Variants in PHACTR2 observed in about 807,000 individuals in gnomAD.
PHACTR2 encodes phosphatase and actin regulator 2.
Under a neutral mutation model 76.0 loss-of-function variants are expected in PHACTR2, and 30 were observed. The ratio of observed to expected loss-of-function variants is 0.39; its 90% confidence interval spans 0.30 to 0.54. The LOEUF (loss-of-function observed/expected upper bound fraction) is 0.54. Ranked by LOEUF, PHACTR2 falls within the 20% of genes least tolerant of loss-of-function variation. The pLI is 0.61. For synonymous variants in PHACTR2, 292 were observed against 292.5 expected (o/e 1.00, Z 0.02); for missense variants, 696 against 781.1 (o/e 0.89, Z 1.30).
At chr6:143,704,715 TG>T (rs1251802199) in intron 1 of PHACTR2, among the ~76,000 whole-genome samples, 1 of 152,222 alleles carries the variant, frequency 6.6e-6, no homozygotes, top group East Asian at 1.9e-4. Context: ...GTCTTTTTTT[TG>T]TTCCAGGATG....
In PHACTR2 at chr6:143,591,733, T is replaced by C. The variant is rs1031373390; in HGVS notation, c.217+54526T>C. Among the ~76,000 whole-genome samples, 3 of 152,230 alleles carry C rather than the reference T, an allele frequency of 2.0e-5. No individual in the cohort carries two copies. Among genetic ancestry groups the C allele is most frequent in the African/African-American group, 7.2e-5 (3 of 41,460 alleles). On this transcript the variant is annotated intron_variant, in intron 1 of 11. Coordinates refer to the PHACTR2 transcript ENST00000367584. The surrounding 1 kb of genome is among the most constrained non-coding windows in gnomAD (Gnocchi z 6.4). Reference sequence around the variant, plus strand: ...GACATGTGGGCATAAGGGGCCTCCCTGCTCTGGGCGCCACCTTGGCCTCCT... The same window carrying C: ...GACATGTGGGCATAAGGGGCCTCCCCGCTCTGGGCGCCACCTTGGCCTCCT...
chr6:143,594,247 G>T (rs775973624), intron 1 of PHACTR2, among the ~76,000 whole-genome samples: 1 of 152,218 alleles, frequency 6.6e-6, no homozygotes, highest in Admixed American at 6.5e-5. Context: ...ATCCCCAAAA[G>T]ATCTCATTAT....
At chr6:143,746,013 T>C (rs1489471334) in intron 2 of PHACTR2, among the ~76,000 whole-genome samples, 1 of 152,194 alleles carries the variant, frequency 6.6e-6, no homozygotes, top group Non-Finnish European at 1.5e-5. Flanking sequence ...AAACTAAAAC[T>C]AAAGAATCCT....
At chr6:143,790,243 A>T (rs953796359) in intron 11 of PHACTR2, among the ~76,000 whole-genome samples, 1 of 152,138 alleles carries the variant, frequency 6.6e-6, no homozygotes, top group Non-Finnish European at 1.5e-5. Flanking sequence ...GGAAAATGAG[A>T]TACAGTATCA....
intron 2 of PHACTR2, among the ~76,000 whole-genome samples, chr6:143,723,929 T>G (rs897381688): frequency 1.3e-5 from 2 of 152,162 alleles, no homozygotes; most frequent in Non-Finnish European, 2.9e-5. Context: ...GTGGCTTTCT[T>G]AACTGTATAA....
chr6:143,604,437 T>C (rs758661249), upstream of PHACTR2, among the ~76,000 whole-genome samples: 47 of 152,206 alleles, frequency 3.1e-4, no homozygotes, highest in Admixed American at 1.3e-4. Flanking sequence ...GGAGTGGTGT[T>C]TCTGCTCTTT....
rs985818686 is a variant in PHACTR2, at chr6:143,820,702, G to C, written c.1923-2972G>C. 6.6e-6 allele frequency among the ~76,000 whole-genome samples: 1 copy of C among 152,184 alleles called. No individual in the cohort carries two copies. Among genetic ancestry groups the C allele is most frequent in the Admixed American group, 6.5e-5 (1 of 15,286 alleles). ...GCTGCCAGTGGATCTACCATTCTGG[G>C]GTCTGGAGGACAGTGACTTCCTTTT... On this transcript the variant is annotated intron_variant, in intron 12 of 12. Coordinates refer to ENST00000440869, the MANE Select transcript of PHACTR2 (RefSeq NM_001100164.2). This position sits in a 1 kb window ranked among gnomAD's most constrained non-coding sequence, Gnocchi z 4.2.
chr6:143,744,846 A>G (rs1299636766), intron 2 of PHACTR2, among the ~76,000 whole-genome samples: 1 of 152,218 alleles, frequency 6.6e-6, no homozygotes, highest in Non-Finnish European at 1.5e-5. Context: ...CACTTCCCAG[A>G]GAGAATTAGA....
chr6:143,719,313 A>G (rs1193918449), intron 2 of PHACTR2, among the ~76,000 whole-genome samples: 1 of 148,790 alleles, frequency 6.7e-6, no homozygotes, highest in African/African-American at 2.5e-5. Flanking sequence ...GCACATCTAG[A>G]TCCACAGAGG....
intron 1 of PHACTR2, among the ~76,000 whole-genome samples, chr6:143,693,245 T>G (rs1056037493): frequency 1.3e-5 from 2 of 152,164 alleles, no homozygotes; most frequent in South Asian, 4.1e-4. Flanking sequence ...TTGTTTTGTT[T>G]TTATTTTTTT....
rs906003977 is a variant in PHACTR2, at chr6:143,599,001, A to T, written c.217+61794A>T. On this transcript the variant is annotated intron_variant, in intron 1 of 11. Coordinates refer to the PHACTR2 transcript ENST00000367584. This position sits in a 1 kb window ranked among gnomAD's most constrained non-coding sequence, Gnocchi z 4.6. Reference sequence around the variant, plus strand: ...TCTCACCCCTGACTCTTTTAGAACAATGATGGCAGTGGGAGGAGTCAGAGA... The same window carrying T: ...TCTCACCCCTGACTCTTTTAGAACATTGATGGCAGTGGGAGGAGTCAGAGA... 6.6e-6 allele frequency among the ~76,000 whole-genome samples: 1 copy of T among 152,212 alleles called. No homozygotes were observed. The highest frequency in any genetic ancestry group is 2.4e-5 in the African/African-American group (1 of 41,454).
Position 143,810,495 on chromosome 6 carries a change from C to G in PHACTR2, c.1922+3362C>G, listed in dbSNP as rs868178400. On this transcript the variant is annotated intron_variant, in intron 12 of 12. Coordinates refer to ENST00000440869, the MANE Select transcript of PHACTR2 (RefSeq NM_001100164.2). ...ATATTCTAAAGGATGAACAATAATA[C>G]CCCATTTCATTGATTTCTATTAGAT... 13 of 437,456 alleles carry G rather than the reference C, an allele frequency of 3.0e-5. No individual in the cohort carries two copies. The Middle Eastern group carries it at 3.4e-3, about 114-fold the overall frequency. The allele number at this position is 437,456 out of a possible 1,614,324, so 27.1% of individuals were successfully genotyped here.
At chr6:143,634,864 A>G (rs1267594966) in intron 1 of PHACTR2, among the ~76,000 whole-genome samples, 1 of 152,248 alleles carries the variant, frequency 6.6e-6, no homozygotes, top group Non-Finnish European at 1.5e-5. Flanking sequence ...ATAGCCACAA[A>G]TTAGTGGGGC....
At chr6:143,594,518 T>C (rs564062091) in intron 1 of PHACTR2, among the ~76,000 whole-genome samples, 16 of 152,356 alleles carry the variant, frequency 1.1e-4, no homozygotes, top group African/African-American at 3.6e-4. Flanking sequence ...TTATTTGTGT[T>C]GAGAACCAAT....
rs1775693458 is a variant in PHACTR2, at chr6:143,591,626, C to A, written c.217+54419C>A. 1.3e-5 allele frequency among the ~76,000 whole-genome samples: 2 copies of A among 152,202 alleles called. No individual in the cohort carries two copies. The highest frequency in any genetic ancestry group is 4.8e-5 in the African/African-American group (2 of 41,444). On this transcript the variant is annotated intron_variant, in intron 1 of 11. Coordinates refer to the PHACTR2 transcript ENST00000367584. The surrounding 1 kb of genome is among the most constrained non-coding windows in gnomAD (Gnocchi z 6.4). ...AACAGTGACCTCCATGAACCTCTTG[C>A]CTAGGGCTGTGAAGGCCAAATGGAA... is the stretch of plus-strand genomic sequence containing the variant.
chr6:143,652,270 G>A lies in PHACTR2; in HGVS notation c.13+43948G>A, dbSNP rs1776775655. Among the ~76,000 whole-genome samples, 1 of 152,164 alleles carries A rather than the reference G, an allele frequency of 6.6e-6. No individual in the cohort carries two copies. Among genetic ancestry groups the A allele is most frequent in the Non-Finnish European group, 1.5e-5 (1 of 68,026 alleles). On this transcript the variant is annotated intron_variant, in intron 1 of 11. Coordinates refer to the PHACTR2 transcript ENST00000305766. The surrounding 1 kb of genome is among the most constrained non-coding windows in gnomAD (Gnocchi z 4.5). ...AAATACATTTATTAAGCACAGATGAGTGTTGTTTTGGTTTTTGTTTAGTGA... is the reference window on the plus strand; with the variant it reads ...AAATACATTTATTAAGCACAGATGAATGTTGTTTTGGTTTTTGTTTAGTGA...
chr6:143,692,324 A>G (rs1777663222), intron 1 of PHACTR2, among the ~76,000 whole-genome samples: 1 of 152,170 alleles, frequency 6.6e-6, no homozygotes. Context: ...TGACCTGCCA[A>G]CCTGTTTATG....
rs1416066578 is a variant in PHACTR2 at position 143,788,944 on chromosome 6, T to C, written c.1845+34T>C. 7 of 1,584,878 alleles carry C rather than the reference T, an allele frequency of 4.4e-6. No homozygotes were observed. The South Asian group carries it at 6.7e-5, about 15-fold the overall frequency. On this transcript the variant is annotated intron_variant, in intron 11 of 12. Transcript: ENST00000440869. ...CCCAGTGGATTTTGTGTTGATTGTA[T>C]TGCTTTTCTGGAAGCTCCAATATCC...
intron 1 of PHACTR2, among the ~76,000 whole-genome samples, chr6:143,632,494 A>G (rs1176615297): frequency 6.6e-6 from 1 of 152,208 alleles, no homozygotes; most frequent in Non-Finnish European, 1.5e-5. Context: ...GCAAAGTACA[A>G]TGAATTCTCA....
Sources: gnomAD v4.1 joint callset for allele counts (sites outside exome capture counted in the v4.1 genomes callset) on GRCh38, gnomAD v4.1.1 for gene constraint, Gnocchi (gnomAD v3.1) non-coding constraint, MANE v1.5 for transcripts, NCBI Gene and HGNC (gene_info 2026-07-23, HGNC 2026-07-21) for gene names.